Variants in ITPR2 observed in about 807,000 individuals in gnomAD.
ITPR2 encodes the protein inositol 1,4,5-trisphosphate-gated calcium channel ITPR2.
A neutral mutation model predicts 317.1 loss-of-function variants in ITPR2; 207 were observed. That is an observed-to-expected ratio of 0.65 (90% CI 0.58 to 0.73). ITPR2 has a LOEUF of 0.73. Ranked by LOEUF, ITPR2 falls within the 30% of genes least tolerant of loss-of-function variation. The probability of loss-of-function intolerance (pLI) is 0.00; values close to 1 mark genes in which losing one functional copy is unlikely to be tolerated. For missense variants in ITPR2, 2,613 were observed against 3,284.0 expected, an observed-to-expected ratio of 0.80 and a Z score of 4.99; for synonymous variants, 1,156 against 1,149.1, an observed-to-expected ratio of 1.01 and a Z score of -0.12.
At chr12:26,747,543 T>C (rs1484381548) in intron 2 of ITPR2, among the ~76,000 whole-genome samples, 1 of 152,222 alleles carries the variant, frequency 6.6e-6, no homozygotes, top group African/African-American at 2.4e-5. Flanking sequence ...GCAAATGTTA[T>C]AAAACTTTAT....
intron 51 of ITPR2, among the ~76,000 whole-genome samples, chr12:26,414,546 AG>A: frequency 6.6e-6 from 1 of 152,132 alleles, no homozygotes. Flanking sequence ...CCAGCAAAGC[AG>A]GGGAGGAGGA....
At chr12:26,425,169 C>A (rs971711240) in intron 49 of ITPR2, among the ~76,000 whole-genome samples, 1 of 151,978 alleles carries the variant, frequency 6.6e-6, no homozygotes, top group Non-Finnish European at 1.5e-5. Context: ...GCCTCAAACT[C>A]CTGTCCTCAA....
rs1941210016 is a variant in ITPR2 at position 26,431,568 on chromosome 12, A to T, written c.6770-3480T>A. On this transcript the variant is annotated intron_variant, in intron 48 of 56. Transcript: ENST00000381340. ...ACATCAGCCCTGTACTCCTGAACAA[A>T]TTGAAACCAAACTCTTCAAAGCCTG... Among the ~76,000 whole-genome samples, 4 of 152,340 alleles carry T rather than the reference A, an allele frequency of 2.6e-5. 1 individual carries two copies. In the Middle Eastern group the frequency reaches 0.014, roughly 518 times the overall value.
At chr12:26,404,439 T>G (rs906972666) in intron 52 of ITPR2, among the ~76,000 whole-genome samples, 3 of 152,196 alleles carry the variant, frequency 2.0e-5, no homozygotes. Context: ...CAGAGGATAC[T>G]GTGATCCAAA....
chr12:26,368,743 T>G (rs1939094074), intron 55 of ITPR2, among the ~76,000 whole-genome samples: 1 of 152,238 alleles, frequency 6.6e-6, no homozygotes, highest in Non-Finnish European at 1.5e-5. Flanking sequence ...TCAGCAAATA[T>G]TTACTAAGCG....
intron 9 of ITPR2, among the ~76,000 whole-genome samples, chr12:26,697,478 G>A (rs1490885687): frequency 6.6e-6 from 1 of 152,094 alleles, no homozygotes; most frequent in African/African-American, 2.4e-5. Context: ...CTACATAAAG[G>A]CAACGAAATA....
intron 1 of ITPR2, among the ~76,000 whole-genome samples, chr12:26,797,053 G>T (rs1202627965): frequency 2.6e-5 from 4 of 151,724 alleles, no homozygotes; most frequent in Admixed American, 2.0e-4. Flanking sequence ...AAATCAAAAG[G>T]TATGACTAAA....
Position 26,624,294 on chromosome 12 carries a change from T to C in ITPR2, c.3122+5A>G. ...TAAGATAAAGATATATAAATGTTAC[T>C]ATACCTTCCCGCAAACATAGTTTCT... is the stretch of plus-strand genomic sequence containing the variant. On this transcript the variant is annotated splice_donor_5th_base_variant and intron_variant, in intron 24 of 56. Transcript: ENST00000381340. The C allele has an allele frequency of 1.3e-6, 2 of 1,583,454 alleles. No individual in the cohort carries two copies. The highest frequency in any genetic ancestry group is 1.1e-5 in the South Asian group (1 of 89,584).
chr12:26,656,457 G>A lies in ITPR2; in HGVS notation c.2284C>T (p.Leu762=). The part of the protein sequence containing the change: ...ISTQLSVDLI[L]RCVSDESLPF... ...AGGCTCTCATCCGACACACACCGCAGGATCAGGTCTACAGACAGCTGTGTA... is the reference window on the plus strand; with the variant it reads ...AGGCTCTCATCCGACACACACCGCAAGATCAGGTCTACAGACAGCTGTGTA... Residue 762 remains leucine (L), a synonymous_variant, in exon 19 of 57, where the codon CTG becomes TTG. Transcript: ENST00000381340. 6.2e-7 allele frequency: 1 copy of A among 1,614,236 alleles called. No homozygotes were observed. The highest frequency in any genetic ancestry group is 8.5e-7 in the Non-Finnish European group (1 of 1,180,038).
intron 42 of ITPR2, among the ~76,000 whole-genome samples, chr12:26,482,084 A>G (rs766308709): frequency 6.6e-6 from 1 of 152,200 alleles, no homozygotes; most frequent in African/African-American, 2.4e-5. Flanking sequence ...GACCAAAATC[A>G]AGACAACTTC....
intron 45 of ITPR2, among the ~76,000 whole-genome samples, chr12:26,470,879 T>C (rs1942277704): frequency 6.6e-6 from 1 of 152,172 alleles, no homozygotes; most frequent in Non-Finnish European, 1.5e-5. Flanking sequence ...ATAGCGTAAT[T>C]TATAATATCA....
rs759173379 is a variant in ITPR2 at position 26,765,335 on chromosome 12, ATTGT to A, written c.163+24818_163+24821del. On this transcript the variant is annotated intron_variant, in intron 2 of 56. Transcript: ENST00000381340. The stretch of plus-strand genomic sequence containing the variant: ...AAATGGAGATACAATTTTGTTATTT[ATTGT>A]TTAAGATCAGAATTCTTTGCTTGCT... Among the ~76,000 whole-genome samples, 155 of 152,160 alleles carry A rather than the reference ATTGT, an allele frequency of 1.0e-3. 2 individuals carry two copies. The highest frequency in any genetic ancestry group is 9.9e-4 in the Non-Finnish European group (67 of 67,912).
At chr12:26,755,679 C>G (rs1949508195) in intron 2 of ITPR2, among the ~76,000 whole-genome samples, 1 of 152,202 alleles carries the variant, frequency 6.6e-6, no homozygotes. Flanking sequence ...CAATACAAAT[C>G]TGTTTTCTTT....
intron 37 of ITPR2, among the ~76,000 whole-genome samples, chr12:26,542,028 A>C (rs920071561): frequency 4.6e-5 from 7 of 152,212 alleles, no homozygotes; most frequent in Admixed American, 2.6e-4. Context: ...TCACCTACCC[A>C]ACCTGGGCAT....
chr12:26,340,119 G>A (rs1938057587), intron 56 of ITPR2, 48 bp downstream of exon 56: 11 of 1,514,344 alleles, frequency 7.3e-6, no homozygotes, highest in South Asian at 6.7e-5. Flanking sequence ...CACCGGAAGT[G>A]GTGAATGACT....
chr12:26,715,496 G>C, intron 7 of ITPR2, 51 bp from the exon 8 acceptor site: 2 of 1,545,006 alleles, frequency 1.3e-6, no homozygotes, highest in Non-Finnish European at 1.8e-6. Context: ...AGAAGCAGGT[G>C]TCTCTTTCTG....
At chr12:26,576,533 G>A (rs1386270379) in intron 34 of ITPR2, among the ~76,000 whole-genome samples, 2 of 152,184 alleles carry the variant, frequency 1.3e-5, no homozygotes, top group Non-Finnish European at 2.9e-5. Flanking sequence ...TCCGTGCTGG[G>A]TAAGATGTGC....
In ITPR2 at chr12:26,832,895, G is replaced by C; in HGVS notation, c.-114C>G. 3 of 801,682 alleles carry C rather than the reference G, an allele frequency of 3.7e-6. No homozygotes were observed. Among genetic ancestry groups the C allele is most frequent in the Non-Finnish European group, 6.1e-6 (3 of 495,734 alleles). The allele number at this position is 801,682 out of a possible 1,614,324, so 49.7% of individuals were successfully genotyped here. A position where few individuals can be genotyped will look rare whatever the true frequency, so the allele number is the denominator to read the frequency against. On this transcript the variant is annotated 5_prime_UTR_variant, in exon 1 of 57. Transcript: ENST00000381340. The stretch of plus-strand genomic sequence containing the variant: ...CGGATCGCGGGACTACAGCGGCCAA[G>C]AGCCGCGGCGGAGGGCACGGCCCGA...
At chr12:26,538,574 T>A (rs551441354) in intron 37 of ITPR2, among the ~76,000 whole-genome samples, 8,522 of 152,102 alleles carry the variant, frequency 0.056, 332 homozygotes, top group Middle Eastern at 0.11. Flanking sequence ...TTTTTCTTTT[T>A]TTCTTTTTTT....
Sources: allele counts gnomAD v4.1 joint callset (sites outside exome capture counted in the v4.1 genomes callset), GRCh38; gene constraint gnomAD v4.1.1; transcripts MANE v1.5; gene names NCBI Gene and HGNC (gene_info 2026-07-23, HGNC 2026-07-21).